The following RBM33 variants were observed in gnomAD, a reference collection of about 807,000 sequenced individuals.
RBM33 encodes the protein RNA binding motif protein 33.
A neutral mutation model predicts 132.6 loss-of-function variants in RBM33; 28 were observed. That is an observed-to-expected ratio of 0.21 (90% CI 0.16 to 0.29). The LOEUF (loss-of-function observed/expected upper bound fraction) is 0.29, where lower values mean the gene tolerates loss of function less well. RBM33 is among the 10% of genes least tolerant of loss of function. The pLI is 1.00. For missense variants in RBM33, 1,291 were observed against 1,518.5 expected, an observed-to-expected ratio of 0.85 and a Z score of 2.49; for synonymous variants, 634 against 593.0, an observed-to-expected ratio of 1.07 and a Z score of -1.01.
Position 155,700,757 on chromosome 7 carries a change from T to C in RBM33, c.568-16T>C, listed in dbSNP as rs1799938755. The C allele has an allele frequency of 2.0e-6, 3 of 1,534,440 alleles. No individual in the cohort carries two copies. Among genetic ancestry groups the C allele is most frequent in the Non-Finnish European group, 2.6e-6 (3 of 1,137,272 alleles). ...AACTTACTGTCCTTTTTTTGCCTTG[T>C]GTATCTGCAATATAGGGAGGTATGG... On this transcript the variant is annotated splice_polypyrimidine_tract_variant and intron_variant, in intron 5 of 17. Transcript: ENST00000401878.
In RBM33 at chr7:155,673,939, A is replaced by AGTTGTTGTTTTTTTTTT. The variant is rs144951964; in HGVS notation, c.171+1027_171+1028insGTTGTTTTTTTTTTGTT. ...CTCATTATCAAGATAGTTTAGGCTT[A>AGTTGTTGTTTTTTTTTT]GTTTTTTTTTTTTTTTTTTTTTTTT... On this transcript the variant is annotated intron_variant, in intron 3 of 17. Coordinates refer to ENST00000401878, the MANE Select transcript of RBM33 (RefSeq NM_053043.3). Among the ~76,000 whole-genome samples, 30 of 14,356 alleles carry AGTTGTTGTTTTTTTTTT rather than the reference A, an allele frequency of 2.1e-3. 1 individual carries two copies. The highest frequency in any genetic ancestry group is 7.3e-3 in the African/African-American group (26 of 3,574). 9.4% of individuals were successfully genotyped at this position (14,356 alleles called of 152,430 possible).
intron 3 of RBM33, among the ~76,000 whole-genome samples, chr7:155,677,502 G>A (rs975391547): frequency 6.6e-5 from 10 of 152,100 alleles, no homozygotes; most frequent in South Asian, 4.1e-4. Flanking sequence ...GAGCCACTGC[G>A]CCCAGCCAGA....
At chr7:155,652,939 G>A (rs566212360) in intron 1 of RBM33, among the ~76,000 whole-genome samples, 1 of 152,096 alleles carries the variant, frequency 6.6e-6, no homozygotes, top group African/African-American at 2.4e-5. Context: ...GGCTGTACAG[G>A]GTTCTTGTGT....
chr7:155,770,321 G>A (rs11761850), intron 16 of RBM33, among the ~76,000 whole-genome samples: 11,942 of 152,254 alleles, frequency 0.078, 608 homozygotes, highest in African/African-American at 0.14. Flanking sequence ...GGCTTCAGGC[G>A]CCCTATTTCC....
chr7:155,669,257 AT>A lies in RBM33; in HGVS notation c.123-3608del, dbSNP rs773018500. On this transcript the variant is annotated intron_variant, in intron 2 of 17. Transcript: ENST00000401878. The stretch of plus-strand genomic sequence containing the variant: ...GTGGTGTTTGGAAGAATATGATGTC[AT>A]TGCTGAACCAACACCTGAAATTGTG... Among the ~76,000 whole-genome samples the A allele has an allele frequency of 8.5e-5, 13 of 152,280 alleles. No homozygotes were observed. The East Asian group carries it at 2.5e-3, about 29-fold the overall frequency.
rs573740852 is a variant in RBM33, at chr7:155,687,487, C to T, written c.567+6579C>T. On this transcript the variant is annotated intron_variant, in intron 5 of 17. Coordinates refer to ENST00000401878, the MANE Select transcript of RBM33 (RefSeq NM_053043.3). ...CAGAAGCTCTTTACTTTAATTAGAT[C>T]CCATTTGTCAATTTTGGCTTTTGTT... 1.1e-4 allele frequency among the ~76,000 whole-genome samples: 16 copies of T among 152,272 alleles called. No individual in the cohort carries two copies. The South Asian group carries it at 3.3e-3, about 32-fold the overall frequency.
At chr7:155,771,152 A>G (rs1802414135) in intron 16 of RBM33, among the ~76,000 whole-genome samples, 1 of 152,202 alleles carries the variant, frequency 6.6e-6, no homozygotes, top group Non-Finnish European at 1.5e-5. Context: ...ACAAATTCTA[A>G]CTTGTGGTTT....
In RBM33 at chr7:155,774,431, C is replaced by T. The variant is rs1355959397; in HGVS notation, c.3376-128C>T. The T allele has an allele frequency of 9.2e-6, 6 of 652,020 alleles. No homozygotes were observed. Among genetic ancestry groups the T allele is most frequent in the Non-Finnish European group, 1.6e-5 (6 of 380,006 alleles). 40.4% of individuals were successfully genotyped at this position (652,020 alleles called of 1,614,324 possible). A position where few individuals can be genotyped will look rare whatever the true frequency, so the allele number is the denominator to read the frequency against. ...TTGCCAGGGAGCTAGAAAGGAAAAT[C>T]AATTAGTGTGTTCCAAATGTCCGCC... On this transcript the variant is annotated intron_variant, in intron 16 of 17. Coordinates refer to ENST00000401878, the MANE Select transcript of RBM33 (RefSeq NM_053043.3). This position sits in a 1 kb window ranked among gnomAD's most constrained non-coding sequence, Gnocchi z 4.2.
intron 14 of RBM33, among the ~76,000 whole-genome samples, chr7:155,755,470 A>T (rs2117053308): frequency 6.6e-6 from 1 of 152,340 alleles, no homozygotes; most frequent in South Asian, 2.1e-4. Context: ...TGGGGTTTAG[A>T]AGAAGATAAG....
chr7:155,743,142 T>G lies in RBM33; in HGVS notation c.2337+1036T>G, dbSNP rs1209709960. 3.9e-5 allele frequency among the ~76,000 whole-genome samples: 6 copies of G among 152,250 alleles called. No individual in the cohort carries two copies. In the South Asian group the frequency reaches 6.2e-4, roughly 16 times the overall value. ...AAATTGGAAGTACAAAGTTGAAATATTAACATACAATGAACTCTTATTAGA... is the reference window on the plus strand; with the variant it reads ...AAATTGGAAGTACAAAGTTGAAATAGTAACATACAATGAACTCTTATTAGA... On this transcript the variant is annotated intron_variant, in intron 13 of 17. Transcript: ENST00000401878.
chr7:155,747,781 A>G (rs571473569), intron 14 of RBM33, among the ~76,000 whole-genome samples: 94 of 152,366 alleles, frequency 6.2e-4, no homozygotes, highest in African/African-American at 2.2e-3. Flanking sequence ...GCACATTGGC[A>G]CTTTTGACCT....
At position 155,741,869 on chromosome 7, in the gene RBM33, C is replaced by G. The variant is rs1219300864; in HGVS notation, c.2100C>G (p.Pro700=). The change falls in exon 13 of 18, where the codon CCC becomes CCG. Residue 700 remains proline, a synonymous_variant. Coordinates refer to ENST00000401878, the MANE Select transcript of RBM33 (RefSeq NM_053043.3). ...AGCGGCCCATGCAGCAAATGCAGCCCACTGCGCCAAGGAACAGCAATTTGC... is the reference window on the plus strand; with the variant it reads ...AGCGGCCCATGCAGCAAATGCAGCCGACTGCGCCAAGGAACAGCAATTTGC... The part of the protein sequence containing the change: ...VSKRPMQQMQ[P]TAPRNSNLRE... The G allele has an allele frequency of 1.2e-6, 2 of 1,613,876 alleles. No individual in the cohort carries two copies. Among genetic ancestry groups the G allele is most frequent in the African/African-American group, 2.7e-5 (2 of 74,930 alleles).
intron 5 of RBM33, among the ~76,000 whole-genome samples, chr7:155,684,476 A>C (rs1354029126): frequency 6.6e-6 from 1 of 152,204 alleles, no homozygotes; most frequent in African/African-American, 2.4e-5. Flanking sequence ...AGGGGGCCTA[A>C]TGGAGAAACA....
Position 155,745,395 on chromosome 7 carries a change from T to C in RBM33, c.2772T>C (p.Thr924=), listed in dbSNP as rs1393466075. 6.2e-7 allele frequency: 1 copy of C among 1,613,558 alleles called. No homozygotes were observed. The highest frequency in any genetic ancestry group is 1.6e-4 in the Middle Eastern group (1 of 6,062). ...RQTRTVPQSQ[T]QPLHKVLPIK... ...CCAGAACAGTTCCTCAAAGTCAGAC[T>C]CAGCCGCTGCATAAAGTGCTCCCGA... The change falls in exon 14 of 18, where the codon ACT becomes ACC. Residue 924 remains threonine, a synonymous_variant. Coordinates refer to ENST00000401878, the MANE Select transcript of RBM33 (RefSeq NM_053043.3). The surrounding 1 kb of genome is among the most constrained non-coding windows in gnomAD (Gnocchi z 4.1).
At chr7:155,762,212 T>C (rs774035505) in intron 14 of RBM33, among the ~76,000 whole-genome samples, 2 of 152,176 alleles carry the variant, frequency 1.3e-5, no homozygotes, top group Non-Finnish European at 2.9e-5. Context: ...CTCATTAGGT[T>C]TCTCAGATTT....
chr7:155,756,681 AC>A, intron 14 of RBM33, among the ~76,000 whole-genome samples: 1 of 152,078 alleles, frequency 6.6e-6, no homozygotes. Flanking sequence ...CACGTTGGAA[AC>A]CCAGGAGAGG....
intron 1 of RBM33, among the ~76,000 whole-genome samples, chr7:155,645,377 A>G (rs1232031354): frequency 6.6e-6 from 1 of 152,220 alleles, no homozygotes; most frequent in Non-Finnish European, 1.5e-5. Context: ...AACATAACGA[A>G]AAGATTCACC....
At chr7:155,676,918 A>G (rs1799200024) in intron 3 of RBM33, among the ~76,000 whole-genome samples, 1 of 152,238 alleles carries the variant, frequency 6.6e-6, no homozygotes, top group Admixed American at 6.5e-5. Context: ...CACAGTACAC[A>G]TTCCCTTTCT....
At position 155,775,391 on chromosome 7, in the gene RBM33, A is replaced by C. The variant is rs911917054; in HGVS notation, c.*350A>C. On this transcript the variant is annotated 3_prime_UTR_variant, in exon 18 of 18. Transcript: ENST00000401878. ...CAGTGACTTAGATTCAGGAAAGAAC[A>C]TTAACGTCACAAGTTCTAAGTAGTT... is the stretch of plus-strand genomic sequence containing the variant. The C allele has an allele frequency of 2.4e-6, 1 of 425,280 alleles. No homozygotes were observed. Among genetic ancestry groups the C allele is most frequent in the Non-Finnish European group, 4.4e-6 (1 of 227,388 alleles). The allele number at this position is 425,280 out of a possible 1,614,324, so 26.3% of individuals were successfully genotyped here. A position where few individuals can be genotyped will look rare whatever the true frequency, so the allele number is the denominator to read the frequency against.
Sources: allele counts gnomAD v4.1 joint callset (sites outside exome capture counted in the v4.1 genomes callset), GRCh38; gene constraint gnomAD v4.1.1; non-coding constraint Gnocchi (gnomAD v3.1); transcripts MANE v1.5; gene names NCBI Gene and HGNC (gene_info 2026-07-23, HGNC 2026-07-21).